PTGER3: variants seen among roughly 807,000 people sequenced by gnomAD.
PTGER3 encodes the protein prostaglandin E receptor 3.
PTGER3 carries 22 observed loss-of-function variants against 34.7 expected under a neutral mutation model. That is an observed-to-expected ratio of 0.63 (90% CI 0.45 to 0.91). The LOEUF is 0.91. PTGER3 is among the 40% of genes least tolerant of loss of function. The pLI is 0.00. For missense variants in PTGER3, 468 were observed against 519.4 expected (o/e 0.90, Z 0.96); for synonymous variants, 241 against 230.1 (o/e 1.05, Z -0.43).
At chr1:70,885,747 A>G (rs1451033637) in intron 4 of PTGER3, among the ~76,000 whole-genome samples, 3 of 152,158 alleles carry the variant, frequency 2.0e-5, no homozygotes, top group Non-Finnish European at 4.4e-5. Context: ...AAAAAAAGGG[A>G]AAATAAAAGA....
At position 70,974,280 on chromosome 1, in the gene PTGER3, C is replaced by A; in HGVS notation, c.1169+17G>T. 1 of 1,612,422 alleles carries A rather than the reference C, an allele frequency of 6.2e-7. No individual in the cohort carries two copies. Among genetic ancestry groups the A allele is most frequent in the Non-Finnish European group, 8.5e-7 (1 of 1,178,970 alleles). On this transcript the variant is annotated intron_variant, in intron 3 of 3. Coordinates refer to ENST00000306666, the MANE Select transcript of PTGER3 (RefSeq NM_198719.2). ...GGGAAGGCTATGCTATAAATCCCGG[C>A]AGTTTCTAAATCTCACCTTTCCAAA... is the stretch of plus-strand genomic sequence containing the variant.
chr1:70,919,393 C>G (rs1647316538), intron 4 of PTGER3, among the ~76,000 whole-genome samples: 2 of 152,136 alleles, frequency 1.3e-5, no homozygotes, highest in Admixed American at 1.3e-4. Flanking sequence ...CATGAAATAT[C>G]TTTCCTTTCC....
At chr1:70,887,282 C>G (rs1052071894) in intron 4 of PTGER3, among the ~76,000 whole-genome samples, 2 of 152,106 alleles carry the variant, frequency 1.3e-5, no homozygotes, top group Middle Eastern at 3.2e-3. Context: ...AAATACATTC[C>G]TTCCTGGCAC....
chr1:71,015,844 C>A (rs1195925720), intron 1 of PTGER3, among the ~76,000 whole-genome samples: 5 of 152,176 alleles, frequency 3.3e-5, no homozygotes, highest in Admixed American at 3.3e-4. Context: ...CTTATTTAGT[C>A]ACAGTTTTTA....
intron 1 of PTGER3, among the ~76,000 whole-genome samples, chr1:71,041,801 G>T (rs1237816746): frequency 1.3e-5 from 2 of 152,196 alleles, no homozygotes; most frequent in African/African-American, 2.4e-5. Context: ...ACACTGGCAG[G>T]TTGCAAAAAT....
intron 4 of PTGER3, among the ~76,000 whole-genome samples, chr1:70,887,841 T>G (rs571219589): frequency 2.6e-5 from 4 of 151,350 alleles, no homozygotes; most frequent in African/African-American, 9.8e-5. Context: ...CAGACCACTA[T>G]GTAAACAAGA....
intron 4 of PTGER3, among the ~76,000 whole-genome samples, chr1:70,914,093 T>C (rs1291751785): frequency 6.6e-6 from 1 of 151,596 alleles, no homozygotes; most frequent in Non-Finnish European, 1.5e-5. Context: ...ATATATAGTA[T>C]ACATATATAG....
chr1:71,047,583 C>A lies in PTGER3; in HGVS notation c.-6G>T. 1 of 1,526,376 alleles carries A rather than the reference C, an allele frequency of 6.6e-7. No homozygotes were observed. The highest frequency in any genetic ancestry group is 8.8e-7 in the Non-Finnish European group (1 of 1,130,366). 94.6% of individuals were successfully genotyped at this position (1,526,376 alleles called of 1,614,324 possible). ...TAGCCCCGGGTCTCCTTCATGTTGGCTTCGAGGTGAGGAGGGGATGGCGTC... is the reference window on the plus strand; with the variant it reads ...TAGCCCCGGGTCTCCTTCATGTTGGATTCGAGGTGAGGAGGGGATGGCGTC... On this transcript the variant is annotated 5_prime_UTR_variant, in exon 1 of 4. Coordinates refer to ENST00000306666, the MANE Select transcript of PTGER3 (RefSeq NM_198719.2).
At chr1:70,958,240 G>A (rs945391056) in intron 2 of PTGER3, among the ~76,000 whole-genome samples, 1 of 152,096 alleles carries the variant, frequency 6.6e-6, no homozygotes, top group Non-Finnish European at 1.5e-5. Flanking sequence ...AGATCAAATG[G>A]TAGTCTATTT....
intron 4 of PTGER3, among the ~76,000 whole-genome samples, chr1:70,915,617 T>C (rs773708615): frequency 1.8e-4 from 27 of 151,990 alleles, no homozygotes; most frequent in Non-Finnish European, 2.2e-4. Context: ...TTCCCAAATG[T>C]GTTAGCAGTC....
chr1:70,910,624 A>G (rs1647039767), intron 4 of PTGER3, among the ~76,000 whole-genome samples: 2 of 152,238 alleles, frequency 1.3e-5, no homozygotes, highest in African/African-American at 4.8e-5. Context: ...CTAGGGAAAC[A>G]CAATGATCTA....
intron 4 of PTGER3, among the ~76,000 whole-genome samples, chr1:70,867,449 G>A (rs889294437): frequency 3.9e-5 from 6 of 152,224 alleles, no homozygotes; most frequent in African/African-American, 9.6e-5. Context: ...GGCCAGTTGC[G>A]GTGGCTCACA....
chr1:71,046,948 G>A lies in PTGER3; in HGVS notation c.630C>T (p.Ile210=), dbSNP rs544715174. The A allele has an allele frequency of 1.3e-5, 21 of 1,608,694 alleles. No individual in the cohort carries two copies. In the East Asian group the frequency reaches 4.2e-4, roughly 32 times the overall value. The change falls in exon 1 of 4, where the codon ATC becomes ATT. Residue 210 remains isoleucine (I), a synonymous_variant. Coordinates refer to ENST00000306666, the MANE Select transcript of PTGER3 (RefSeq NM_198719.2). ...TCCCGTTGCCCCCTCGCCCGGTGCT[G>A]ATGAAGCACCACGTCCCGGGCCACT... ...TVQWPGTWCF[I]STGRGGNGTS...
downstream of PTGER3, among the ~76,000 whole-genome samples, chr1:70,969,617 A>T (rs560478855): frequency 1.4e-4 from 22 of 152,322 alleles, no homozygotes; most frequent in Non-Finnish European, 2.9e-4. Context: ...AAAAACAAAA[A>T]TACTTAAAGT....
intron 4 of PTGER3, among the ~76,000 whole-genome samples, chr1:70,875,647 C>T (rs948959245): frequency 1.3e-5 from 2 of 152,160 alleles, no homozygotes; most frequent in African/African-American, 4.8e-5. Context: ...AAGTAGGACA[C>T]AGTGCCTGAT....
chr1:70,995,513 A>G (rs1024430754), intron 2 of PTGER3, among the ~76,000 whole-genome samples: 6 of 152,156 alleles, frequency 3.9e-5, no homozygotes, highest in African/African-American at 1.4e-4. Flanking sequence ...TATGAAAGTG[A>G]TATTTGAGCT....
At chr1:70,940,693 A>T (rs911844308) in intron 4 of PTGER3, among the ~76,000 whole-genome samples, 5 of 152,196 alleles carry the variant, frequency 3.3e-5, no homozygotes, top group African/African-American at 1.2e-4. Flanking sequence ...ATAGCATGGG[A>T]AAAACTTGCC....
intron 2 of PTGER3, chr1:71,009,022 T>A (rs1002189733): frequency 1.0e-4 from 102 of 984,468 alleles, no homozygotes; most frequent in Non-Finnish European, 1.1e-4. Flanking sequence ...TCTGAGTTGA[T>A]CTCAACCAAA....
chr1:71,015,719 A>G (rs1208874701), intron 1 of PTGER3, among the ~76,000 whole-genome samples: 1 of 152,228 alleles, frequency 6.6e-6, no homozygotes, highest in Non-Finnish European at 1.5e-5. Flanking sequence ...ATACAATTAT[A>G]TAACAAAAAA....
Sources: allele counts gnomAD v4.1 joint callset (sites outside exome capture counted in the v4.1 genomes callset), GRCh38; gene constraint gnomAD v4.1.1; transcripts MANE v1.5; gene names NCBI Gene and HGNC (gene_info 2026-07-23, HGNC 2026-07-21).